SEMA3D: variants seen among roughly 807,000 people sequenced by gnomAD.
SEMA3D encodes the protein semaphorin 3D.
In SEMA3D, 84 loss-of-function variants were observed where a neutral mutation model predicts 100.1. The ratio of observed to expected loss-of-function variants is 0.84; its 90% CI spans 0.70 to 1.01. SEMA3D has a LOEUF of 1.01. SEMA3D is among the 50% of genes least tolerant of loss of function. The pLI, the probability that SEMA3D is intolerant of heterozygous loss-of-function variation, is 0.00. For missense variants in SEMA3D, 875 were observed against 934.1 expected (o/e 0.94, Z 0.82); for synonymous variants, 312 against 320.7 (o/e 0.97, Z 0.29).
intron 5 of SEMA3D, among the ~76,000 whole-genome samples, chr7:85,076,298 AT>A (rs1791920310): frequency 6.6e-6 from 1 of 152,214 alleles, no homozygotes; most frequent in East Asian, 1.9e-4. Context: ...ACCAAAGCAA[AT>A]ATCAACTTTT....
rs371924373 is a variant in SEMA3D, at chr7:85,073,057, C to T, written c.400G>A (p.Val134Ile). The change falls in exon 6 of 19, where the codon GTA (valine) becomes ATA (isoleucine). Residue 134 changes from valine (V) to isoleucine (I), a missense_variant. Transcript: ENST00000284136. Reference protein sequence around the residue: ...ANTECANFIRVLQPYNKTHIY... With the variant: ...ANTECANFIRILQPYNKTHIY... The stretch of plus-strand genomic sequence containing the variant: ...TGAGTTTTGTTATAGGGCTGAAGTA[C>T]TCTGATGAAATTTGCACATTCTGTC... 2 of 1,612,558 alleles carry T rather than the reference C, an allele frequency of 1.2e-6. No individual in the cohort carries two copies. The highest frequency in any genetic ancestry group is 8.5e-7 in the Non-Finnish European group (1 of 1,179,296).
At chr7:85,208,550 G>C in the SEMA3D span, among the ~76,000 whole-genome samples, 3 of 151,888 alleles carry the variant, frequency 2.0e-5, no homozygotes, top group Non-Finnish European at 4.4e-5. Flanking sequence ...GTCAAATTTT[G>C]ATTTTGCTAC....
At chr7:85,034,605 A>C (rs767221805) in intron 12 of SEMA3D, among the ~76,000 whole-genome samples, 1 of 152,010 alleles carries the variant, frequency 6.6e-6, no homozygotes, top group Non-Finnish European at 1.5e-5. Context: ...AGACTCTGAC[A>C]AAAAAACAAA....
intron 1 of SEMA3D, among the ~76,000 whole-genome samples, chr7:85,165,679 A>C (rs1019844095): frequency 6.6e-6 from 1 of 152,108 alleles, no homozygotes; most frequent in Non-Finnish European, 1.5e-5. Flanking sequence ...CCATCTTTTA[A>C]AAAGTTCACA....
chr7:85,159,217 G>A (rs1031768424), intron 1 of SEMA3D, among the ~76,000 whole-genome samples: 3 of 152,112 alleles, frequency 2.0e-5, no homozygotes, highest in Non-Finnish European at 4.4e-5. Flanking sequence ...GGTAGAGGAG[G>A]GTGTTAAATT....
intron 9 of SEMA3D, among the ~76,000 whole-genome samples, chr7:85,045,139 G>C (rs917041887): frequency 1.3e-5 from 2 of 151,992 alleles, no homozygotes; most frequent in African/African-American, 4.8e-5. Context: ...CATATGTAGA[G>C]ATTGGTTCAG....
chr7:85,235,529 G>A, the SEMA3D span, among the ~76,000 whole-genome samples: 1 of 152,130 alleles, frequency 6.6e-6, no homozygotes, highest in Non-Finnish European at 1.5e-5. Flanking sequence ...ATGTTTAAAG[G>A]AGGATCTCTG....
chr7:85,007,709 G>T (rs1161105130), intron 17 of SEMA3D, among the ~76,000 whole-genome samples: 1 of 151,564 alleles, frequency 6.6e-6, no homozygotes, highest in Non-Finnish European at 1.5e-5. Flanking sequence ...GCTCAAATTT[G>T]ATCAAATAAA....
At position 85,151,597 on chromosome 7, in the gene SEMA3D, G is replaced by A. The variant is rs1790420965; in HGVS notation, c.-41+2011C>T. 7 of 810,382 alleles carry A rather than the reference G, an allele frequency of 8.6e-6. No individual in the cohort carries two copies. The South Asian group carries it at 2.9e-4, about 33-fold the overall frequency. The allele number at this position is 810,382 out of a possible 1,614,324, so 50.2% of individuals were successfully genotyped here. On this transcript the variant is annotated intron_variant, in intron 2 of 18. Transcript: ENST00000284136. Reference sequence around the variant, plus strand: ...TTGATGTGTGTATGCATGTGTGTATGCGTGTGTGTGTGTGTGTGTGTGTGT... The same window carrying A: ...TTGATGTGTGTATGCATGTGTGTATACGTGTGTGTGTGTGTGTGTGTGTGT...
chr7:85,030,474 T>C (rs1185378409), intron 12 of SEMA3D, among the ~76,000 whole-genome samples: 6 of 152,030 alleles, frequency 3.9e-5, no homozygotes, highest in Admixed American at 2.6e-4. Flanking sequence ...TGGGAGCAAA[T>C]GGAATTTAAA....
intron 17 of SEMA3D, among the ~76,000 whole-genome samples, chr7:85,009,011 C>A (rs1789878370): frequency 6.6e-6 from 1 of 151,620 alleles, no homozygotes; most frequent in Non-Finnish European, 1.5e-5. Flanking sequence ...TGATAAAATG[C>A]GGAATCCAAA....
At chr7:85,122,643 A>G (rs1301399122) in intron 2 of SEMA3D, among the ~76,000 whole-genome samples, 1 of 152,160 alleles carries the variant, frequency 6.6e-6, no homozygotes, top group Admixed American at 6.6e-5. Context: ...TTTTGAGACA[A>G]GTTCTCTTGT....
chr7:85,095,823 C>T, intron 4 of SEMA3D, among the ~76,000 whole-genome samples: 1 of 151,974 alleles, frequency 6.6e-6, no homozygotes, highest in East Asian at 1.9e-4. Context: ...TTAATAATAT[C>T]ATAAGATAAA....
At chr7:85,054,661 C>T (rs1791258393) in intron 9 of SEMA3D, among the ~76,000 whole-genome samples, 3 of 151,990 alleles carry the variant, frequency 2.0e-5, no homozygotes, top group South Asian at 4.1e-4. Context: ...TATTTCTGTC[C>T]CTGAAAGTGT....
At chr7:85,055,669 T>G (rs930494503) in intron 9 of SEMA3D, 48 bp downstream of exon 9, 1 of 260,140 alleles carries the variant, frequency 3.8e-6, no homozygotes, top group Non-Finnish European at 6.4e-6. Flanking sequence ...TATATATATA[T>G]ATATATATAT....
At chr7:85,144,281 G>T in intron 2 of SEMA3D, 1 of 175,238 alleles carries the variant, frequency 5.7e-6, no homozygotes, top group East Asian at 1.9e-4. Context: ...TAAAAGAGGA[G>T]ATTGAATTTA....
intron 18 of SEMA3D, among the ~76,000 whole-genome samples, chr7:85,000,144 C>CAGAT (rs1789617477): frequency 6.6e-6 from 1 of 151,942 alleles, no homozygotes; most frequent in African/African-American, 2.4e-5. Flanking sequence ...TCTCAATATG[C>CAGAT]AGATAGGAAT....
At chr7:85,215,075 T>C in the SEMA3D span, among the ~76,000 whole-genome samples, 1 of 151,852 alleles carries the variant, frequency 6.6e-6, no homozygotes, top group African/African-American at 2.4e-5. Flanking sequence ...GTTGTCAAAT[T>C]TGCAGTAAAT....
At chr7:85,032,083 A>G (rs552725616) in intron 12 of SEMA3D, among the ~76,000 whole-genome samples, 2 of 152,058 alleles carry the variant, frequency 1.3e-5, no homozygotes, top group South Asian at 4.1e-4. Context: ...GCAATATGAT[A>G]TTGGGAAAGT....
Sources: allele counts gnomAD v4.1 joint callset (sites outside exome capture counted in the v4.1 genomes callset), GRCh38; gene constraint gnomAD v4.1.1; transcripts MANE v1.5; gene names NCBI Gene and HGNC (gene_info 2026-07-23, HGNC 2026-07-21).